DLG2: variants seen among roughly 807,000 people sequenced by gnomAD.
DLG2 encodes the protein disks large homolog 2.
DLG2 carries 45 observed loss-of-function variants against 132.5 expected under a neutral mutation model. That is an observed-to-expected ratio of 0.34 (90% CI 0.27 to 0.44). The LOEUF (loss-of-function observed/expected upper bound fraction) is 0.44. DLG2 is among the 20% of genes least tolerant of loss of function. The probability of loss-of-function intolerance (pLI) is 1.00; values close to 1 mark genes in which losing one functional copy is unlikely to be tolerated. For synonymous variants in DLG2, 424 were observed against 419.6 expected (o/e 1.01, Z -0.13); for missense variants, 1,045 against 1,196.9 (o/e 0.87, Z 1.87).
chr11:85,344,534 G>T (rs1446735398), intron 3 of DLG2, among the ~76,000 whole-genome samples: 10 of 151,996 alleles, frequency 6.6e-5, no homozygotes, highest in African/African-American at 2.4e-4. Context: ...CCCATGACTA[G>T]GCTCTCTGAA....
chr11:83,968,803 C>A (rs2090753512), intron 12 of DLG2, among the ~76,000 whole-genome samples: 2 of 152,112 alleles, frequency 1.3e-5, no homozygotes, highest in African/African-American at 4.8e-5. Flanking sequence ...TATACTACTT[C>A]TTCCAGATAG....
At chr11:84,269,410 A>AT (rs2097690671) in intron 7 of DLG2, among the ~76,000 whole-genome samples, 1 of 152,182 alleles carries the variant, frequency 6.6e-6, no homozygotes. Flanking sequence ...TTCTTCCATC[A>AT]TTACTGAGCG....
intron 18 of DLG2, among the ~76,000 whole-genome samples, chr11:83,784,883 G>A (rs536168686): frequency 6.6e-6 from 1 of 152,214 alleles, no homozygotes; most frequent in South Asian, 2.1e-4. Context: ...GGAAAATGGG[G>A]ACATTTATGT....
intron 7 of DLG2, among the ~76,000 whole-genome samples, chr11:84,434,146 T>G (rs960957402): frequency 8.8e-5 from 13 of 148,204 alleles, no homozygotes; most frequent in Non-Finnish European, 1.3e-4. Flanking sequence ...GAATAATAGG[T>G]GACAAAACAA....
chr11:85,480,465 T>C (rs929455689), intron 3 of DLG2, among the ~76,000 whole-genome samples: 10 of 152,100 alleles, frequency 6.6e-5, no homozygotes, highest in Admixed American at 1.3e-4. Context: ...ATCTCATAGA[T>C]GTGATATTGA....
chr11:83,563,373 A>C (rs988390487), intron 19 of DLG2, among the ~76,000 whole-genome samples: 1 of 152,176 alleles, frequency 6.6e-6, no homozygotes, highest in Non-Finnish European at 1.5e-5. Flanking sequence ...CTTGTAAATA[A>C]AATCCACAGG....
At chr11:84,959,496 G>T (rs968725799) in intron 6 of DLG2, among the ~76,000 whole-genome samples, 1 of 152,084 alleles carries the variant, frequency 6.6e-6, no homozygotes, top group Non-Finnish European at 1.5e-5. Context: ...TTACGCCTTT[G>T]TATCTGCTTC....
chr11:83,873,240 A>G (rs559059183), intron 16 of DLG2, among the ~76,000 whole-genome samples: 1 of 152,306 alleles, frequency 6.6e-6, no homozygotes, highest in South Asian at 2.1e-4. Flanking sequence ...GTGTTCAGAA[A>G]AAAAAATACC....
At chr11:85,444,436 ACACC>A (rs2091919234) in intron 3 of DLG2, among the ~76,000 whole-genome samples, 5 of 152,184 alleles carry the variant, frequency 3.3e-5, no homozygotes, top group Admixed American at 3.3e-4. Context: ...TCAGGATAAT[ACACC>A]CTTTTAAAAG....
At chr11:84,257,279 T>C (rs939441295) in intron 7 of DLG2, among the ~76,000 whole-genome samples, 2 of 152,144 alleles carry the variant, frequency 1.3e-5, no homozygotes, top group Non-Finnish European at 2.9e-5. Context: ...TTCCACAATC[T>C]TTTAGGCTGG....
chr11:85,336,073 A>G (rs1434473374), intron 3 of DLG2: 1 of 152,424 alleles, frequency 6.6e-6, no homozygotes, highest in Non-Finnish European at 1.5e-5. Flanking sequence ...TTGTATTGCC[A>G]AAAGAGCATC....
chr11:84,848,156 C>T (rs2081729523), intron 6 of DLG2, among the ~76,000 whole-genome samples: 1 of 152,224 alleles, frequency 6.6e-6, no homozygotes, highest in South Asian at 2.1e-4. Context: ...GCCCCCAGAA[C>T]AGTGAGTTGG....
chr11:85,518,679 A>C (rs1395743764), intron 3 of DLG2, among the ~76,000 whole-genome samples: 1 of 152,328 alleles, frequency 6.6e-6, no homozygotes, highest in East Asian at 1.9e-4. Context: ...CAAGGAGCCG[A>C]ATGTTAATCC....
At chr11:84,291,717 CA>C (rs1282465508) in intron 7 of DLG2, among the ~76,000 whole-genome samples, 1 of 152,082 alleles carries the variant, frequency 6.6e-6, no homozygotes, top group African/African-American at 2.4e-5. Flanking sequence ...ATTGGTAGCA[CA>C]AATAATTAGC....
intron 6 of DLG2, among the ~76,000 whole-genome samples, chr11:84,652,892 G>A (rs905013070): frequency 1.3e-5 from 2 of 151,192 alleles, no homozygotes; most frequent in Non-Finnish European, 2.9e-5. Flanking sequence ...ACAAGATAGT[G>A]CAGGACAATG....
intron 3 of DLG2, among the ~76,000 whole-genome samples, chr11:85,535,501 T>G (rs1195348109): frequency 6.6e-6 from 1 of 152,154 alleles, no homozygotes; most frequent in East Asian, 1.9e-4. Context: ...AAAGTTTAAA[T>G]GTGGAGAAGG....
At chr11:85,439,244 C>T (rs745876409) in intron 3 of DLG2, among the ~76,000 whole-genome samples, 1 of 152,114 alleles carries the variant, frequency 6.6e-6, no homozygotes, top group Non-Finnish European at 1.5e-5. Context: ...TTTACTTTCC[C>T]ACCAGCAATG....
At chr11:83,618,319 T>C (rs1017739938) in intron 19 of DLG2, among the ~76,000 whole-genome samples, 4 of 152,192 alleles carry the variant, frequency 2.6e-5, no homozygotes, top group Non-Finnish European at 5.9e-5. Flanking sequence ...ATATTTGATA[T>C]GTTTAATTTG....
chr11:85,194,627 C>G lies in DLG2; in HGVS notation c.187-39976G>C, dbSNP rs1033617517. Among the ~76,000 whole-genome samples the G allele has an allele frequency of 3.4e-5, 5 of 148,712 alleles. No homozygotes were observed. The East Asian group carries it at 8.1e-4, about 24-fold the overall frequency. On this transcript the variant is annotated intron_variant, in intron 4 of 27. Transcript: ENST00000376104. ...CCCCCACCCCCGCCAAAGAAAAATT[C>G]AAGCAGAATAGAAAGAGTATGGGAG... is the stretch of plus-strand genomic sequence containing the variant.
Sources: allele counts gnomAD v4.1 joint callset (sites outside exome capture counted in the v4.1 genomes callset), GRCh38; gene constraint gnomAD v4.1.1; transcripts MANE v1.5; gene names NCBI Gene and HGNC (gene_info 2026-07-23, HGNC 2026-07-21).